EDDM13: variants seen among roughly 807,000 people sequenced by gnomAD.
EDDM13 encodes epididymal protein 13.
A neutral mutation model predicts 17.8 loss-of-function variants in EDDM13; 24 were observed. The ratio of observed to expected loss-of-function variants is 1.35; its 90% confidence interval spans 0.98 to 1.90. EDDM13 has a LOEUF of 1.90. Ranked by LOEUF, EDDM13 falls within the 40% of genes most tolerant of loss-of-function variation. EDDM13 has a pLI of 0.00. For synonymous variants in EDDM13, 31 were observed against 37.5 expected, an observed-to-expected ratio of 0.83 and a Z score of 0.63; for missense variants, 97 against 100.8, an observed-to-expected ratio of 0.96 and a Z score of 0.16.
chr19:56,280,590 G>A (rs1311284029), intron 2 of EDDM13: 9 of 152,104 alleles, frequency 5.9e-5, no homozygotes, highest in African/African-American at 2.2e-4. Context: ...CAGAATACCT[G>A]AGACTGGATA....
chr19:56,296,696 A>G (rs73618157), intron 11 of EDDM13, among the ~76,000 whole-genome samples: 1,557 of 152,258 alleles, frequency 0.01, 30 homozygotes, highest in African/African-American at 0.035. Context: ...ATTATGTCCT[A>G]TGGAGACAAT....
At chr19:56,278,204 A>G (rs2038412785) in intron 2 of EDDM13, among the ~76,000 whole-genome samples, 1 of 151,694 alleles carries the variant, frequency 6.6e-6, no homozygotes, top group Non-Finnish European at 1.5e-5. Context: ...TCGCCATGAC[A>G]TCTGCCTCCT....
At chr19:56,273,728 CAAGT>C (rs895180508) in intron 1 of EDDM13, among the ~76,000 whole-genome samples, 9 of 151,968 alleles carry the variant, frequency 5.9e-5, no homozygotes, top group African/African-American at 1.9e-4. Context: ...GAGACTGTTA[CAAGT>C]AAGAAGAGAC....
chr19:56,277,237 G>A (rs1271676335), intron 2 of EDDM13, among the ~76,000 whole-genome samples: 1 of 152,192 alleles, frequency 6.6e-6, no homozygotes, highest in Non-Finnish European at 1.5e-5. Context: ...ATGCACAAAT[G>A]TTCACAGCAG....
rs369537611 is a variant in EDDM13 at position 56,292,508 on chromosome 19, C to T, written c.232+1662C>T. 1.1e-4 allele frequency among the ~76,000 whole-genome samples: 15 copies of T among 138,956 alleles called. No individual in the cohort carries two copies. The East Asian group carries it at 2.7e-3, about 25-fold the overall frequency. The allele number at this position is 138,956 out of a possible 152,430, so 91.2% of individuals were successfully genotyped here. On this transcript the variant is annotated intron_variant, in intron 9 of 14. Coordinates refer to ENST00000649256, the MANE Select transcript of EDDM13 (RefSeq NM_001354658.2). Reference sequence around the variant, plus strand: ...TTGCTTTGTTGCCAAGGCTGGTCTTCAATTCCGGGGCTCAAGCAATCCTCC... The same window carrying T: ...TTGCTTTGTTGCCAAGGCTGGTCTTTAATTCCGGGGCTCAAGCAATCCTCC...
At chr19:56,302,957 C>A in intron 13 of EDDM13, 1 of 398,308 alleles carries the variant, frequency 2.5e-6, no homozygotes, top group South Asian at 1.3e-4. Flanking sequence ...AGAACCAGAT[C>A]ACCGAGTGGT....
chr19:56,293,179 A>T (rs2039633341), intron 9 of EDDM13, among the ~76,000 whole-genome samples: 1 of 152,214 alleles, frequency 6.6e-6, no homozygotes. Context: ...CCTGCAGCTC[A>T]AGAGCACGTT....
chr19:56,274,703 T>A (rs183852853), intron 1 of EDDM13: 1 of 152,194 alleles, frequency 6.6e-6, no homozygotes, highest in Non-Finnish European at 1.5e-5. Flanking sequence ...TTTCTACTAA[T>A]AGAAAAACTA....
intron 13 of EDDM13, 81 bp downstream of exon 13, chr19:56,302,176 A>G: frequency 9.2e-7 from 1 of 1,084,638 alleles, no homozygotes; most frequent in East Asian, 3.2e-5. Context: ...GAGGAAGCGA[A>G]GGAGGGTGCC....
At chr19:56,289,559 A>G (rs1265406230) in intron 8 of EDDM13, among the ~76,000 whole-genome samples, 1 of 152,174 alleles carries the variant, frequency 6.6e-6, no homozygotes, top group Non-Finnish European at 1.5e-5. Context: ...AGAAAACTGT[A>G]TGGCACATAG....
chr19:56,279,883 TAACAA>T (rs2038554474), intron 2 of EDDM13, among the ~76,000 whole-genome samples: 1 of 152,112 alleles, frequency 6.6e-6, no homozygotes, highest in Non-Finnish European at 1.5e-5. Flanking sequence ...ATATTTCAAT[TAACAA>T]AACAGTATTT....
chr19:56,275,757 C>G (rs1412008286), intron 1 of EDDM13, among the ~76,000 whole-genome samples: 1 of 152,188 alleles, frequency 6.6e-6, no homozygotes, highest in African/African-American at 2.4e-5. Flanking sequence ...TATACCAGAA[C>G]TTCTCTTCCC....
chr19:56,276,506 C>CCTTTT (rs748724863), intron 2 of EDDM13, among the ~76,000 whole-genome samples: 1 of 139,736 alleles, frequency 7.2e-6, no homozygotes, highest in Non-Finnish European at 1.5e-5. Context: ...CTAAAGAGCT[C>CCTTTT]TTTTTTTTTT....
chr19:56,302,460 G>C (rs2040323065), intron 13 of EDDM13, among the ~76,000 whole-genome samples: 1 of 117,304 alleles, frequency 8.5e-6, no homozygotes, highest in African/African-American at 3.4e-5. Flanking sequence ...CTCTCCGTCT[G>C]CTTCCTCCCT....
intron 13 of EDDM13, among the ~76,000 whole-genome samples, chr19:56,302,437 TTCC>T (rs752688779): frequency 2.2e-5 from 3 of 138,684 alleles, no homozygotes; most frequent in Admixed American, 7.1e-5. Context: ...TCTCCCTTCC[TTCC>T]TTTCTTCCTC....
At chr19:56,275,508 A>T (rs983325115) in intron 1 of EDDM13, among the ~76,000 whole-genome samples, 1 of 152,216 alleles carries the variant, frequency 6.6e-6, no homozygotes, top group South Asian at 2.1e-4. Flanking sequence ...ACGCAAGAGG[A>T]TCACTTGAGG....
intron 4 of EDDM13, chr19:56,282,851 G>T (rs1249265444): frequency 6.6e-6 from 1 of 152,206 alleles, no homozygotes; most frequent in African/African-American, 2.4e-5. Context: ...GCTTTCTGAG[G>T]TCAGGTAGTA....
chr19:56,304,889 C>A, intron 14 of EDDM13, 59 bp downstream of exon 14: 1 of 678,672 alleles, frequency 1.5e-6, no homozygotes, highest in Non-Finnish European at 1.8e-6. Context: ...AGGGGAGGTT[C>A]ATCCCAACTG....
At chr19:56,302,160 G>GA in intron 13 of EDDM13, 65 bp downstream of exon 13, 3 of 1,180,974 alleles carry the variant, frequency 2.5e-6, no homozygotes, top group South Asian at 8.6e-5. Context: ...GGGAAGTGGG[G>GA]GCACAGAGGA....
Sources: allele counts gnomAD v4.1 joint callset (sites outside exome capture counted in the v4.1 genomes callset), GRCh38; gene constraint gnomAD v4.1.1; transcripts MANE v1.5; gene names NCBI Gene and HGNC (gene_info 2026-07-23, HGNC 2026-07-21).